Variants in CACNA1C observed in about 807,000 individuals in gnomAD.
The protein encoded by CACNA1C is voltage-dependent L-type calcium channel subunit alpha-1C.
CACNA1C carries 30 observed loss-of-function variants against 229.0 expected under a neutral mutation model. The ratio of observed to expected loss-of-function variants is 0.13; its 90% CI spans 0.10 to 0.18. The LOEUF is 0.18. Ranked by LOEUF, CACNA1C falls within the 10% of genes least tolerant of loss-of-function variation. CACNA1C has a pLI of 1.00. For missense variants in CACNA1C, 1,658 were observed against 2,845.0 expected (o/e 0.58, Z 9.49); for synonymous variants, 1,114 against 1,132.5 (o/e 0.98, Z 0.33).
At chr12:2,233,942 A>C (rs2154365733) in intron 3 of CACNA1C, among the ~76,000 whole-genome samples, 2 of 152,310 alleles carry the variant, frequency 1.3e-5, no homozygotes, top group Middle Eastern at 3.4e-3. Flanking sequence ...AGGTCAGTTA[A>C]GGTCATTTGG....
intron 3 of CACNA1C, among the ~76,000 whole-genome samples, chr12:2,236,996 T>A (rs1359904440): frequency 1.3e-5 from 2 of 152,234 alleles, no homozygotes; most frequent in African/African-American, 4.8e-5. Flanking sequence ...TGTGATACTC[T>A]TGTTCTTCTG....
At position 2,694,432 on chromosome 12, in the gene CACNA1C, G is replaced by A. The variant is rs1042122706; in HGVS notation, c.*3233G>A. 5 of 152,224 alleles carry A rather than the reference G, an allele frequency of 3.3e-5. No homozygotes were observed. Among genetic ancestry groups the A allele is most frequent in the Admixed American group, 6.5e-5 (1 of 15,276 alleles). The allele number at this position is 152,224 out of a possible 1,614,324, so 9.4% of individuals were successfully genotyped here. A position where few individuals can be genotyped will look rare whatever the true frequency, so the allele number is the denominator to read the frequency against. ...ACAACAGTTTAAGGTCTGCAGTTTG[G>A]TCAACTTAATTCTTGTCCTCCGACC... On this transcript the variant is annotated 3_prime_UTR_variant, in exon 47 of 47. Transcript: ENST00000399655.
chr12:2,582,381 C>A (rs957980208), intron 14 of CACNA1C, among the ~76,000 whole-genome samples: 1 of 152,098 alleles, frequency 6.6e-6, no homozygotes, highest in Non-Finnish European at 1.5e-5. Flanking sequence ...AAAAGCAGAT[C>A]GATTGAGAGG....
intron 4 of CACNA1C, among the ~76,000 whole-genome samples, chr12:2,456,746 C>T (rs144734825): frequency 2.5e-4 from 38 of 152,302 alleles, no homozygotes; most frequent in Admixed American, 1.9e-3. Flanking sequence ...TCTGCAGAGC[C>T]CCTCCCCGCT....
At chr12:2,091,541 T>G (rs1437069451) in intron 1 of CACNA1C, among the ~76,000 whole-genome samples, 1 of 152,178 alleles carries the variant, frequency 6.6e-6, no homozygotes, top group Non-Finnish European at 1.5e-5. Flanking sequence ...AAGAGAACAA[T>G]GTAGCATCTT....
intron 9 of CACNA1C, among the ~76,000 whole-genome samples, chr12:2,514,721 C>A (rs905158183): frequency 6.6e-6 from 1 of 152,100 alleles, no homozygotes; most frequent in Non-Finnish European, 1.5e-5. Flanking sequence ...TGAAAACCTG[C>A]AGTAGCCACT....
At chr12:2,610,462 T>A in intron 27 of CACNA1C, 79 bp from the exon 28 acceptor site, 1 of 1,425,834 alleles carries the variant, frequency 7.0e-7, no homozygotes, top group South Asian at 1.3e-5. Context: ...TCTCATCACA[T>A]CCCACACTTC....
chr12:2,124,109 C>CATGTGT (rs1166947654), intron 3 of CACNA1C, among the ~76,000 whole-genome samples: 5 of 145,512 alleles, frequency 3.4e-5, no homozygotes, highest in African/African-American at 1.3e-4. Context: ...TGGTCTAGCT[C>CATGTGT]GTGTGTGTGT....
chr12:2,071,172 C>CCCTG (rs767264073), intron 1 of CACNA1C, among the ~76,000 whole-genome samples: 183 of 16,020 alleles, frequency 0.011, 6 homozygotes, highest in Non-Finnish European at 0.014. Context: ...CTCCCTCCCT[C>CCCTG]CCTGCCTGCC....
chr12:2,262,415 G>A (rs1315568851), intron 3 of CACNA1C, among the ~76,000 whole-genome samples: 1 of 152,216 alleles, frequency 6.6e-6, no homozygotes, highest in Admixed American at 6.5e-5. Context: ...CTCCCACCAA[G>A]GGAAAAGCAA....
intron 9 of CACNA1C, among the ~76,000 whole-genome samples, chr12:2,530,451 TA>T (rs1219093861): frequency 2.0e-5 from 3 of 152,214 alleles, no homozygotes; most frequent in African/African-American, 2.4e-5. Flanking sequence ...TCTTTCCAGT[TA>T]AACTACAGAG....
At chr12:2,192,044 GCA>G (rs1477456017) in intron 3 of CACNA1C, among the ~76,000 whole-genome samples, 3 of 151,270 alleles carry the variant, frequency 2.0e-5, no homozygotes, top group East Asian at 1.9e-4. Context: ...ACACATACAG[GCA>G]CACACATACA....
chr12:2,397,301 C>T (rs138257784), intron 3 of CACNA1C, among the ~76,000 whole-genome samples: 20 of 152,294 alleles, frequency 1.3e-4, no homozygotes, highest in Non-Finnish European at 2.1e-4. Context: ...GATTTTGAAT[C>T]GAAGTCCTTG....
chr12:1,984,263 C>T (rs771594140), intron 1 of CACNA1C, among the ~76,000 whole-genome samples: 9 of 151,872 alleles, frequency 5.9e-5, no homozygotes, highest in Non-Finnish European at 1.0e-4. Flanking sequence ...GTAGGTCTAC[C>T]GTTTTATTTT....
intron 3 of CACNA1C, among the ~76,000 whole-genome samples, chr12:2,437,565 T>A (rs2099146856): frequency 6.6e-6 from 1 of 152,198 alleles, no homozygotes; most frequent in African/African-American, 2.4e-5. Flanking sequence ...TCATGCAGAG[T>A]TACTGTTAGG....
chr12:2,227,129 C>A (rs898940077), intron 3 of CACNA1C, among the ~76,000 whole-genome samples: 1 of 152,160 alleles, frequency 6.6e-6, no homozygotes, highest in Non-Finnish European at 1.5e-5. Context: ...TTTAGCTATT[C>A]CCCTCCTCTC....
rs576880123 is a variant in CACNA1C, at chr12:2,272,440, C to T, written c.477+152010C>T. ...GGTGTCTGCCTCGTATCATCAGTCA[C>T]CTCCTCCCAAGCAGCCTATTGCTTT... On this transcript the variant is annotated intron_variant, in intron 3 of 46. Transcript: ENST00000399655. Among the ~76,000 whole-genome samples the T allele has an allele frequency of 3.9e-5, 6 of 152,306 alleles. No individual in the cohort carries two copies. In the East Asian group the frequency reaches 7.7e-4, roughly 20 times the overall value.
chr12:2,094,001 G>A (rs1007030446), intron 1 of CACNA1C, among the ~76,000 whole-genome samples: 2 of 152,360 alleles, frequency 1.3e-5, no homozygotes, highest in African/African-American at 4.8e-5. Context: ...TGAAAACTGG[G>A]CAGCTGTCAC....
chr12:2,067,792 A>G lies in CACNA1C; in HGVS notation c.49+14181A>G, dbSNP rs921568351. On this transcript the variant is annotated intron_variant, in intron 1 of 46. Coordinates refer to ENST00000399655, the MANE Select transcript of CACNA1C (RefSeq NM_000719.7). The surrounding 1 kb of genome is among the most constrained non-coding windows in gnomAD (Gnocchi z 5.3). ...GAGTGATGGGGCAATCAAGACCACA[A>G]GTGCCAACCTCAGCGCACTCACCTG... 5.3e-5 allele frequency among the ~76,000 whole-genome samples: 8 copies of G among 152,114 alleles called. No individual in the cohort carries two copies. Among genetic ancestry groups the G allele is most frequent in the South Asian group, 4.1e-4 (2 of 4,826 alleles).
Sources: allele counts gnomAD v4.1 joint callset (sites outside exome capture counted in the v4.1 genomes callset), GRCh38; gene constraint gnomAD v4.1.1; non-coding constraint Gnocchi (gnomAD v3.1); transcripts MANE v1.5; gene names NCBI Gene and HGNC (gene_info 2026-07-23, HGNC 2026-07-21).